Variants in CATSPERD observed in about 807,000 individuals in gnomAD.
The protein encoded by CATSPERD is cation channel sperm-associated auxiliary subunit delta.
CATSPERD carries 86 observed loss-of-function variants against 98.1 expected under a neutral mutation model. The ratio of observed to expected loss-of-function variants is 0.88; its 90% CI spans 0.74 to 1.05. CATSPERD has a LOEUF of 1.05. Ranked by LOEUF, CATSPERD falls within the 50% of genes least tolerant of loss-of-function variation. The pLI is 0.00. For missense variants in CATSPERD, 995 were observed against 1,005.7 expected (o/e 0.99, Z 0.14); for synonymous variants, 394 against 390.2 (o/e 1.01, Z -0.12).
intron 7 of CATSPERD, among the ~76,000 whole-genome samples, chr19:5,741,390 C>G (rs1009656568): frequency 6.6e-6 from 1 of 152,064 alleles, no homozygotes; most frequent in South Asian, 2.1e-4. Flanking sequence ...AAGATCAAGA[C>G]GCCAGCAAGG....
At chr19:5,746,142 G>C in intron 9 of CATSPERD, 79 bp downstream of exon 9, 2 of 1,509,644 alleles carry the variant, frequency 1.3e-6, no homozygotes, top group African/African-American at 2.8e-5. Context: ...GATAAGGGGA[G>C]GGGAAGGAGC....
chr19:5,765,969 AGGGACACGCTGTT>A (rs1193850395), intron 16 of CATSPERD, 121 bp from the exon 17 acceptor site: 1 of 542,686 alleles, frequency 1.8e-6, no homozygotes. Flanking sequence ...CCAGGCATCC[AGGGACACGCTGTT>A]GGGATCCAGG....
intron 1 of CATSPERD, among the ~76,000 whole-genome samples, chr19:5,724,251 T>C (rs62107427): frequency 0.37 from 56,326 of 151,318 alleles, 10,862 homozygotes; most frequent in Non-Finnish European, 0.43. Flanking sequence ...TCAGTAGAGA[T>C]GGGGTTTCAC....
chr19:5,766,100 C>T lies in CATSPERD; in HGVS notation c.1507-3C>T. ...TCCATATTTCTGTCTCTCTCCTCTG[C>T]AGTCGACACTGATTTCAGTTGGCTG... On this transcript the variant is annotated splice_region_variant and splice_polypyrimidine_tract_variant and intron_variant, in intron 16 of 21. Transcript: ENST00000381624. The T allele has an allele frequency of 6.2e-7, 1 of 1,612,318 alleles. No individual in the cohort carries two copies. The highest frequency in any genetic ancestry group is 8.5e-7 in the Non-Finnish European group (1 of 1,179,074).
intron 6 of CATSPERD, 93 bp from the exon 7 acceptor site, chr19:5,739,233 C>A: frequency 1.3e-6 from 1 of 749,990 alleles, no homozygotes; most frequent in Non-Finnish European, 2.2e-6. Context: ...AGGTTTTTTT[C>A]AGTCATGAGT....
chr19:5,758,754 A>G (rs569199881), intron 14 of CATSPERD, among the ~76,000 whole-genome samples: 1 of 149,944 alleles, frequency 6.7e-6, no homozygotes, highest in East Asian at 2.0e-4. Flanking sequence ...AAAAAAAAAG[A>G]GAAGAAAAAA....
At chr19:5,734,612 T>C (rs1178667826) in intron 5 of CATSPERD, among the ~76,000 whole-genome samples, 1 of 149,930 alleles carries the variant, frequency 6.7e-6, no homozygotes, top group Non-Finnish European at 1.5e-5. Context: ...CATTCCAGCC[T>C]GGGCAACAAG....
chr19:5,738,297 A>T (rs930836264), intron 6 of CATSPERD, among the ~76,000 whole-genome samples: 27 of 150,760 alleles, frequency 1.8e-4, no homozygotes, highest in Non-Finnish European at 3.7e-4. Flanking sequence ...ATCCCAGCTT[A>T]CAAATTCGAG....
chr19:5,778,497 G>A lies in CATSPERD; in HGVS notation c.2218G>A (p.Ala740Thr), dbSNP rs2144713339. 3 of 1,614,024 alleles carry A rather than the reference G, an allele frequency of 1.9e-6. No homozygotes were observed. The highest frequency in any genetic ancestry group is 2.5e-6 in the Non-Finnish European group (3 of 1,180,038). ...ISSILGSVWL[A>T]YKTPKLLRTA... ...CAGCATCCTGGGGTCCGTTTGGCTG[G>A]CCTACAAGACCCCCAAGCTGCTACG... Residue 740 changes from alanine to threonine, a missense_variant, in exon 22 of 22, where the codon GCC becomes ACC. Physicochemically the swap from Ala to Thr is moderately conservative, Grantham distance 58 (BLOSUM62 0). Transcript: ENST00000381624.
intron 4 of CATSPERD, among the ~76,000 whole-genome samples, chr19:5,731,661 C>G (rs1053615725): frequency 1.2e-4 from 17 of 143,836 alleles, no homozygotes; most frequent in Non-Finnish European, 1.7e-4. Flanking sequence ...CTGCAAGCTC[C>G]GCTTCCCGGG....
At chr19:5,720,997 CTCT>C (rs900788035) in intron 1 of CATSPERD, among the ~76,000 whole-genome samples, 189 bp downstream of exon 1, 6 of 148,974 alleles carry the variant, frequency 4.0e-5, no homozygotes, top group Non-Finnish European at 1.5e-5. Flanking sequence ...GCTCTCCTAC[CTCT>C]TTTTTTTTTT....
At chr19:5,734,396 T>C (rs2055799941) in intron 5 of CATSPERD, among the ~76,000 whole-genome samples, 1 of 152,124 alleles carries the variant, frequency 6.6e-6, no homozygotes, top group African/African-American at 2.4e-5. Context: ...CCCAGCACTT[T>C]GGGAGACTGA....
At chr19:5,724,443 T>G (rs1224122578) in intron 1 of CATSPERD, among the ~76,000 whole-genome samples, 3 of 151,620 alleles carry the variant, frequency 2.0e-5, no homozygotes, top group Admixed American at 2.0e-4. Flanking sequence ...CTCACGCCTG[T>G]AATCCCAACA....
rs1270730963 is a variant in CATSPERD, at chr19:5,727,331, G to C, written c.190G>C (p.Ala64Pro). 10 of 1,611,362 alleles carry C rather than the reference G, an allele frequency of 6.2e-6. No individual in the cohort carries two copies. In the South Asian group the frequency reaches 1.1e-4, roughly 18 times the overall value. The change falls in exon 3 of 22, where the codon GCA (alanine) becomes CCA (proline). Residue 64 changes from alanine (A) to proline (P), a missense_variant. By Grantham distance (27) the Ala-to-Pro change is conservative. Transcript: ENST00000381624. ...TAAACATCCTTGCGAGAAAAATATA[G>C]CACTATATCTAGGGTAAGTGGCAAT... ...LIKHPCEKNIALYLGKQVFFT... is the reference protein window; with the variant it reads ...LIKHPCEKNIPLYLGKQVFFT...
chr19:5,771,516 G>T (rs1599595546), intron 19 of CATSPERD, among the ~76,000 whole-genome samples: 1 of 151,782 alleles, frequency 6.6e-6, no homozygotes, highest in East Asian at 1.9e-4. Context: ...GGAATTACAG[G>T]CATGAGCCAC....
At chr19:5,763,067 T>C (rs1365516143) in intron 15 of CATSPERD, 148 bp from the exon 16 acceptor site, 1 of 626,862 alleles carries the variant, frequency 1.6e-6, no homozygotes, top group African/African-American at 1.8e-5. Flanking sequence ...AATGGATGGA[T>C]GGGTGGGTGG....
chr19:5,731,329 G>T (rs1447683602), intron 4 of CATSPERD, among the ~76,000 whole-genome samples: 1 of 128,244 alleles, frequency 7.8e-6, no homozygotes. Context: ...GAAATTAGCC[G>T]AGTGTGGTGG....
rs931989263 is a variant in CATSPERD, at chr19:5,770,314, C to T, written c.1635-630C>T. On this transcript the variant is annotated intron_variant, in intron 18 of 21. Coordinates refer to ENST00000381624, the MANE Select transcript of CATSPERD (RefSeq NM_152784.4). ...GCGTGGTGGTGGGCACTTGTATTCCCAGCTTCTCAGGAGGCTGAGGCAAGA... is the reference window on the plus strand; with the variant it reads ...GCGTGGTGGTGGGCACTTGTATTCCTAGCTTCTCAGGAGGCTGAGGCAAGA... 4.9e-4 allele frequency among the ~76,000 whole-genome samples: 74 copies of T among 150,940 alleles called. 1 individual carries two copies. Among genetic ancestry groups the T allele is most frequent in the African/African-American group, 1.8e-3 (74 of 41,072 alleles).
chr19:5,742,315 T>C (rs10561032), intron 7 of CATSPERD, among the ~76,000 whole-genome samples: 3 of 138,478 alleles, frequency 2.2e-5, no homozygotes, highest in Non-Finnish European at 3.2e-5. Context: ...AATGTGTGTG[T>C]GGGTGTGCGT....
Sources: allele counts gnomAD v4.1 joint callset (sites outside exome capture counted in the v4.1 genomes callset), GRCh38; gene constraint gnomAD v4.1.1; transcripts MANE v1.5; gene names NCBI Gene and HGNC (gene_info 2026-07-23, HGNC 2026-07-21).